Variants in TTC7B observed in about 807,000 individuals in gnomAD.
TTC7B encodes the protein tetratricopeptide repeat protein 7B.
In TTC7B, 28 loss-of-function variants were observed where a neutral mutation model predicts 106.8. That is an observed-to-expected ratio of 0.26 (90% confidence interval 0.19 to 0.36). The LOEUF (loss-of-function observed/expected upper bound fraction) is 0.36. Ranked by LOEUF, TTC7B falls within the 10% of genes least tolerant of loss-of-function variation. The pLI is 1.00. For missense variants in TTC7B, 862 were observed against 1,076.4 expected (o/e 0.80, Z 2.79); for synonymous variants, 405 against 430.6 (o/e 0.94, Z 0.74).
At chr14:90,720,176 T>C (rs1006356356) in intron 5 of TTC7B, among the ~76,000 whole-genome samples, 3 of 152,084 alleles carry the variant, frequency 2.0e-5, no homozygotes, top group African/African-American at 7.2e-5. Context: ...TCACCCCACC[T>C]CACCTTTGCC....
chr14:90,808,846 G>A lies in TTC7B; in HGVS notation c.121+7329C>T, dbSNP rs977962990. 7.9e-5 allele frequency among the ~76,000 whole-genome samples: 12 copies of A among 152,328 alleles called. No homozygotes were observed. Among genetic ancestry groups the A allele is most frequent in the Non-Finnish European group, 1.5e-4 (10 of 68,024 alleles). On this transcript the variant is annotated intron_variant, in intron 1 of 19. Coordinates refer to ENST00000328459, the MANE Select transcript of TTC7B (RefSeq NM_001010854.2). This position sits in a 1 kb window ranked among gnomAD's most constrained non-coding sequence, Gnocchi z 4.2. Reference sequence around the variant, plus strand: ...GAATCCACCCACGTGTGGCCAACGTGAATAAGAACCAAAGGCCATTCCTGC... The same window carrying A: ...GAATCCACCCACGTGTGGCCAACGTAAATAAGAACCAAAGGCCATTCCTGC...
intron 3 of TTC7B, among the ~76,000 whole-genome samples, chr14:90,773,880 T>C (rs10146359): frequency 0.1 from 15,153 of 151,946 alleles, 1,911 homozygotes; most frequent in African/African-American, 0.29. Flanking sequence ...GGTCCCAAGG[T>C]CACCTCTAGT....
rs563367288 is a variant in TTC7B at position 90,683,271 on chromosome 14, C to A, written c.951-2736G>T. On this transcript the variant is annotated intron_variant, in intron 7 of 19. Transcript: ENST00000328459. ...GATTTGTAAATAATGACAACATCAA[C>A]TCTAAGGTCTAGTAATGGTTCCTTT... is the stretch of plus-strand genomic sequence containing the variant. 2.0e-5 allele frequency among the ~76,000 whole-genome samples: 3 copies of A among 152,248 alleles called. No individual in the cohort carries two copies. The East Asian group carries it at 5.8e-4, about 29-fold the overall frequency.
chr14:90,631,472 G>A (rs968004589), intron 15 of TTC7B, among the ~76,000 whole-genome samples: 13 of 148,682 alleles, frequency 8.7e-5, no homozygotes, highest in Non-Finnish European at 1.6e-4. Context: ...ACAGTGGCAT[G>A]GTCTCAACTC....
intron 9 of TTC7B, among the ~76,000 whole-genome samples, chr14:90,660,965 G>C (rs1886179916): frequency 1.3e-5 from 2 of 152,228 alleles, no homozygotes; most frequent in African/African-American, 2.4e-5. Context: ...CTCATCCTAC[G>C]CCATGGGACA....
chr14:90,644,325 T>C (rs1885339822), intron 14 of TTC7B, 117 bp from the exon 15 acceptor site: 13 of 1,081,882 alleles, frequency 1.2e-5, no homozygotes, highest in Admixed American at 3.2e-5. Flanking sequence ...TCTTCAAATA[T>C]TGAGTTGTTT....
At chr14:90,771,930 ATATT>A (rs552154138) in intron 3 of TTC7B, among the ~76,000 whole-genome samples, 14 of 145,846 alleles carry the variant, frequency 9.6e-5, no homozygotes, top group African/African-American at 2.8e-4. Context: ...ATATAAATAT[ATATT>A]TATATGTATA....
intron 19 of TTC7B, among the ~76,000 whole-genome samples, chr14:90,545,354 C>T (rs1566761572): frequency 6.6e-6 from 1 of 152,224 alleles, no homozygotes; most frequent in African/African-American, 2.4e-5. Flanking sequence ...ATTTCTCTGA[C>T]CACTAACTGC....
Position 90,676,162 on chromosome 14 carries a change from T to C in TTC7B, c.1152+361A>G, listed in dbSNP as rs73328821. Reference sequence around the variant, plus strand: ...ATTGTCAGGCCACTGGCGATTTCACTGTACACATTGATACTTTAAAGGAAA... The same window carrying C: ...ATTGTCAGGCCACTGGCGATTTCACCGTACACATTGATACTTTAAAGGAAA... On this transcript the variant is annotated intron_variant, in intron 9 of 19. Coordinates refer to ENST00000328459, the MANE Select transcript of TTC7B (RefSeq NM_001010854.2). The C allele has an allele frequency of 3.2e-3, 575 of 182,076 alleles. 6 individuals carry two copies. Among genetic ancestry groups the C allele is most frequent in the African/African-American group, 0.012 (510 of 42,804 alleles). The allele number at this position is 182,076 out of a possible 1,614,324, so 11.3% of individuals were successfully genotyped here.
intron 15 of TTC7B, among the ~76,000 whole-genome samples, chr14:90,636,574 A>G (rs1287775400): frequency 6.6e-6 from 1 of 151,958 alleles, no homozygotes; most frequent in African/African-American, 2.4e-5. Context: ...AATAAAACAT[A>G]TAAAAATTTC....
At chr14:90,685,758 T>C (rs1887229689) in intron 7 of TTC7B, among the ~76,000 whole-genome samples, 1 of 152,060 alleles carries the variant, frequency 6.6e-6, no homozygotes, top group South Asian at 2.1e-4. Context: ...GCAGACACAT[T>C]TCTAGAAAGA....
chr14:90,758,897 G>C (rs1312282423), intron 3 of TTC7B, among the ~76,000 whole-genome samples: 1 of 152,180 alleles, frequency 6.6e-6, no homozygotes, highest in Non-Finnish European at 1.5e-5. Flanking sequence ...GAGGATAAAG[G>C]GAGGTAAGGG....
chr14:90,622,806 A>T (rs2139854912), intron 15 of TTC7B, among the ~76,000 whole-genome samples: 3 of 152,266 alleles, frequency 2.0e-5, no homozygotes, highest in Middle Eastern at 6.8e-3. Context: ...AGAAAAGAAG[A>T]ACCTTGCTAA....
At chr14:90,755,034 A>G (rs932529868) in intron 3 of TTC7B, among the ~76,000 whole-genome samples, 5 of 152,180 alleles carry the variant, frequency 3.3e-5, no homozygotes, top group African/African-American at 1.2e-4. Flanking sequence ...TGTCTAACTC[A>G]AAACCTTCCT....
At chr14:90,613,069 A>G (rs1315045662) in intron 16 of TTC7B, among the ~76,000 whole-genome samples, 2 of 152,200 alleles carry the variant, frequency 1.3e-5, no homozygotes, top group Non-Finnish European at 2.9e-5. Context: ...CAACATAGAG[A>G]TGCTTTTGTT....
chr14:90,598,108 G>A (rs564955353), intron 17 of TTC7B, among the ~76,000 whole-genome samples: 9 of 152,330 alleles, frequency 5.9e-5, no homozygotes, highest in East Asian at 3.9e-4. Flanking sequence ...GCTGCGCAGC[G>A]GCTGCCGTGC....
At chr14:90,556,633 C>A (rs1036223100) in intron 19 of TTC7B, among the ~76,000 whole-genome samples, 1 of 152,182 alleles carries the variant, frequency 6.6e-6, no homozygotes, top group Non-Finnish European at 1.5e-5. Flanking sequence ...CTGGCACTCC[C>A]CCATGGCCCG....
intron 4 of TTC7B, among the ~76,000 whole-genome samples, chr14:90,739,409 G>A (rs1205029509): frequency 6.6e-6 from 1 of 152,204 alleles, no homozygotes; most frequent in African/African-American, 2.4e-5. Flanking sequence ...GCAGCACTGA[G>A]TGCTTTTCCT....
At chr14:90,766,578 C>A (rs1890688576) in intron 3 of TTC7B, 1 of 817,396 alleles carries the variant, frequency 1.2e-6, no homozygotes, top group Non-Finnish European at 2.2e-6. Context: ...TGTGAGTACT[C>A]AACACCATCA....
Sources: allele counts gnomAD v4.1 joint callset (sites outside exome capture counted in the v4.1 genomes callset), GRCh38; gene constraint gnomAD v4.1.1; non-coding constraint Gnocchi (gnomAD v3.1); transcripts MANE v1.5; gene names NCBI Gene and HGNC (gene_info 2026-07-23, HGNC 2026-07-21).